SLC9A9: variants seen among roughly 807,000 people sequenced by gnomAD.
SLC9A9 encodes the protein solute carrier family 9 member A9, also known as sodium/hydrogen exchanger 9.
SLC9A9 carries 62 observed loss-of-function variants against 77.8 expected under a neutral mutation model. The observed-to-expected ratio is 0.80, with a 90% CI of 0.65 to 0.98. The LOEUF (loss-of-function observed/expected upper bound fraction) is 0.98. Ranked by LOEUF, SLC9A9 falls within the 50% of genes least tolerant of loss-of-function variation. The pLI is 0.00. For synonymous variants in SLC9A9, 320 were observed against 283.5 expected, an observed-to-expected ratio of 1.13 and a Z score of -1.29; for missense variants, 775 against 774.9, an observed-to-expected ratio of 1.00 and a Z score of 0.00.
At chr3:143,302,451 A>C (rs1242195871) in intron 14 of SLC9A9, among the ~76,000 whole-genome samples, 1 of 152,198 alleles carries the variant, frequency 6.6e-6, no homozygotes, top group Non-Finnish European at 1.5e-5. Context: ...AATAAATATT[A>C]AGAGGAATGA....
intron 9 of SLC9A9, among the ~76,000 whole-genome samples, chr3:143,502,968 G>C (rs543495135): frequency 2.0e-5 from 3 of 152,294 alleles, no homozygotes; most frequent in Admixed American, 1.3e-4. Context: ...GCATATAGGT[G>C]AATAATTTTT....
At chr3:143,327,458 A>G (rs756902037) in intron 14 of SLC9A9, among the ~76,000 whole-genome samples, 5 of 152,328 alleles carry the variant, frequency 3.3e-5, no homozygotes, top group Non-Finnish European at 7.4e-5. Flanking sequence ...CAAGAGGAAA[A>G]GGAGACAGAT....
chr3:143,679,677 A>G (rs778441158), intron 5 of SLC9A9, among the ~76,000 whole-genome samples: 1 of 152,170 alleles, frequency 6.6e-6, no homozygotes, highest in Non-Finnish European at 1.5e-5. Flanking sequence ...TGTAGTTTTG[A>G]GGCCCTTCTC....
intron 12 of SLC9A9, among the ~76,000 whole-genome samples, chr3:143,394,682 T>G (rs2033681857): frequency 6.6e-6 from 1 of 152,216 alleles, no homozygotes; most frequent in Non-Finnish European, 1.5e-5. Flanking sequence ...GCAGATGACA[T>G]GATGGTATGT....
intron 12 of SLC9A9, among the ~76,000 whole-genome samples, chr3:143,443,691 C>T (rs1036970123): frequency 6.6e-6 from 1 of 152,150 alleles, no homozygotes; most frequent in Non-Finnish European, 1.5e-5. Flanking sequence ...AGGCAATATT[C>T]CCAAGGGCTG....
intron 2 of SLC9A9, among the ~76,000 whole-genome samples, chr3:143,817,595 C>G (rs2009055301): frequency 6.6e-6 from 1 of 152,178 alleles, no homozygotes. Context: ...ACTTAAGTCT[C>G]TAATCCATCT....
intron 12 of SLC9A9, among the ~76,000 whole-genome samples, chr3:143,452,367 A>G (rs2035021791): frequency 6.6e-6 from 1 of 152,000 alleles, no homozygotes; most frequent in Admixed American, 6.6e-5. Flanking sequence ...GTTTACAGGA[A>G]ATATAGCACC....
At chr3:143,371,412 A>G (rs577145193) in intron 13 of SLC9A9, among the ~76,000 whole-genome samples, 79 of 152,336 alleles carry the variant, frequency 5.2e-4, no homozygotes, top group African/African-American at 1.9e-3. Context: ...TAATGGCTTG[A>G]CTGAATAAAA....
chr3:143,471,994 G>A (rs1054978133), intron 11 of SLC9A9, among the ~76,000 whole-genome samples: 3 of 152,188 alleles, frequency 2.0e-5, no homozygotes, highest in African/African-American at 7.2e-5. Context: ...CAAAAGTGAA[G>A]CCTTTAATCA....
chr3:143,768,154 A>G (rs923974833), intron 4 of SLC9A9, among the ~76,000 whole-genome samples: 24 of 152,234 alleles, frequency 1.6e-4, no homozygotes, highest in African/African-American at 5.8e-4. Context: ...ACTGACTGCC[A>G]GACACCCAGG....
chr3:143,846,892 C>G (rs1470169541), intron 1 of SLC9A9, among the ~76,000 whole-genome samples: 1 of 152,008 alleles, frequency 6.6e-6, no homozygotes, highest in East Asian at 1.9e-4. Flanking sequence ...TCAGGTATAT[C>G]TCCTAATGCT....
intron 8 of SLC9A9, among the ~76,000 whole-genome samples, chr3:143,563,852 C>T (rs369078632): frequency 7.2e-5 from 11 of 152,236 alleles, no homozygotes; most frequent in East Asian, 1.9e-4. Context: ...TACTTTGCTT[C>T]AAGGTCTGCA....
At chr3:143,696,390 GAACA>G (rs1046063951) in intron 4 of SLC9A9, among the ~76,000 whole-genome samples, 1 of 152,130 alleles carries the variant, frequency 6.6e-6, no homozygotes, top group African/African-American at 2.4e-5. Context: ...TTATATCAGT[GAACA>G]AACAAAGATC....
At chr3:143,806,740 G>C (rs984936522) in intron 2 of SLC9A9, among the ~76,000 whole-genome samples, 9 of 151,588 alleles carry the variant, frequency 5.9e-5, no homozygotes, top group Admixed American at 1.3e-4. Flanking sequence ...GTGGTGGTGG[G>C]GGGGGCAAGT....
chr3:143,705,011 CTATCTATCTATCTATCTATCTATCTATCT>C (rs1933924909), intron 4 of SLC9A9, among the ~76,000 whole-genome samples: 1 of 30,228 alleles, frequency 3.3e-5, no homozygotes, highest in Non-Finnish European at 8.2e-5. Context: ...ATCTATCTAT[CTATCTATCTATCTATCTATCTATCTATCT>C]ATATAGATAT....
chr3:143,532,212 G>A (rs1374497669), intron 9 of SLC9A9, among the ~76,000 whole-genome samples: 2 of 152,122 alleles, frequency 1.3e-5, no homozygotes, highest in Admixed American at 6.5e-5. Flanking sequence ...TGGCTCTCTG[G>A]GGGGACAGGG....
chr3:143,388,903 AG>A (rs2108503277), intron 12 of SLC9A9, among the ~76,000 whole-genome samples: 1 of 152,352 alleles, frequency 6.6e-6, no homozygotes, highest in East Asian at 1.9e-4. Context: ...CGTTTCACAG[AG>A]GAGATGGACA....
At chr3:143,390,494 A>G (rs942906417) in intron 12 of SLC9A9, among the ~76,000 whole-genome samples, 3 of 152,180 alleles carry the variant, frequency 2.0e-5, no homozygotes, top group African/African-American at 7.2e-5. Context: ...CCAAATAAGA[A>G]CAGCTCCAGT....
At chr3:143,564,148 T>C (rs1394847298) in intron 8 of SLC9A9, among the ~76,000 whole-genome samples, 4 of 152,228 alleles carry the variant, frequency 2.6e-5, no homozygotes, top group Admixed American at 2.6e-4. Flanking sequence ...TATGAATTTA[T>C]TCCTGGCAGG....
Sources: gnomAD v4.1 joint callset for allele counts (sites outside exome capture counted in the v4.1 genomes callset) on GRCh38, gnomAD v4.1.1 for gene constraint, MANE v1.5 for transcripts, NCBI Gene and HGNC (gene_info 2026-07-23, HGNC 2026-07-21) for gene names.